Variants in NME7 observed in about 807,000 individuals in gnomAD.
NME7 encodes NME/NM23 family member 7.
NME7 carries 41 observed loss-of-function variants against 49.1 expected under a neutral mutation model. The observed-to-expected ratio is 0.83, with a 90% CI of 0.65 to 1.08. NME7 has a LOEUF of 1.08. Ranked by LOEUF, NME7 falls within the 50% of genes least tolerant of loss-of-function variation. The pLI is 0.00. For synonymous variants in NME7, 139 were observed against 150.6 expected (o/e 0.92, Z 0.56); for missense variants, 423 against 463.4 (o/e 0.91, Z 0.80).
intron 11 of NME7, among the ~76,000 whole-genome samples, chr1:169,165,445 C>T (rs888137519): frequency 6.6e-6 from 1 of 152,104 alleles, no homozygotes; most frequent in Non-Finnish European, 1.5e-5. Flanking sequence ...AGCATGTTCC[C>T]CTCTTTCTCT....
chr1:169,342,320 C>T (rs1214888940), intron 1 of NME7, among the ~76,000 whole-genome samples: 1 of 151,856 alleles, frequency 6.6e-6, no homozygotes, highest in Non-Finnish European at 1.5e-5. Context: ...ATGCCTGCTT[C>T]CCCTTTGCCT....
chr1:169,358,587 A>G (rs1653540709), intron 1 of NME7, among the ~76,000 whole-genome samples: 1 of 152,130 alleles, frequency 6.6e-6, no homozygotes, highest in Admixed American at 6.5e-5. Context: ...GAATTTTAAC[A>G]ATTTATAATA....
chr1:169,258,441 TC>T lies in NME7; in HGVS notation c.755-20755del, dbSNP rs1278780935. On this transcript the variant is annotated intron_variant, in intron 7 of 11. Coordinates refer to ENST00000367811, the MANE Select transcript of NME7 (RefSeq NM_013330.5). Reference sequence around the variant, plus strand: ...ACACACACATACACACACACATATATCTTCTCATTCTCAAAGTTAGCCTTTG... The same window carrying T: ...ACACACACATACACACACACATATATTTCTCATTCTCAAAGTTAGCCTTTG... Among the ~76,000 whole-genome samples, 336 of 116,072 alleles carry T rather than the reference TC, an allele frequency of 2.9e-3. 20 individuals are homozygous for T. Among genetic ancestry groups the T allele is most frequent in the African/African-American group, 0.011 (327 of 30,814 alleles). 76.1% of individuals were successfully genotyped at this position (116,072 alleles called of 152,430 possible). A position where few individuals can be genotyped will look rare whatever the true frequency, so the allele number is the denominator to read the frequency against.
At chr1:169,337,149 G>A (rs986691396) in intron 1 of NME7, among the ~76,000 whole-genome samples, 9 of 152,180 alleles carry the variant, frequency 5.9e-5, no homozygotes, top group South Asian at 2.1e-4. Flanking sequence ...GGGGAGGCTC[G>A]GGCTGCACAG....
At chr1:169,218,485 CTGAGATGGGAGGATTGCT>C (rs1430779824) in intron 10 of NME7, among the ~76,000 whole-genome samples, 2 of 152,040 alleles carry the variant, frequency 1.3e-5, no homozygotes, top group Non-Finnish European at 2.9e-5. Flanking sequence ...ACTCGGGATG[CTGAGATGGGAGGATTGCT>C]TGAGATGGGG....
chr1:169,181,400 C>CAT (rs1466562580), intron 10 of NME7, among the ~76,000 whole-genome samples: 5 of 141,956 alleles, frequency 3.5e-5, no homozygotes, highest in African/African-American at 1.1e-4. Flanking sequence ...CACACACACA[C>CAT]ATATATACAC....
At chr1:169,311,416 C>CAACA (rs1651385793) in intron 3 of NME7, among the ~76,000 whole-genome samples, 1 of 83,648 alleles carries the variant, frequency 1.2e-5, no homozygotes, top group Admixed American at 1.4e-4. Flanking sequence ...GACTCCATCT[C>CAACA]AAAAAAAAAA....
In NME7 at chr1:169,259,160, A is replaced by C. The variant is rs977405695; in HGVS notation, c.755-21473T>G. Among the ~76,000 whole-genome samples, 5 of 133,552 alleles carry C rather than the reference A, an allele frequency of 3.7e-5. 1 individual carries two copies. The highest frequency in any genetic ancestry group is 2.2e-4 in the Admixed American group (3 of 13,586). 87.6% of individuals were successfully genotyped at this position (133,552 alleles called of 152,430 possible). A position where few individuals can be genotyped will look rare whatever the true frequency, so the allele number is the denominator to read the frequency against. ...AATATATAACAGATATGCTCAGATT[A>C]AATAATTTTAAAGTGAACATCTACA... On this transcript the variant is annotated intron_variant, in intron 7 of 11. Coordinates refer to ENST00000367811, the MANE Select transcript of NME7 (RefSeq NM_013330.5).
intron 10 of NME7, among the ~76,000 whole-genome samples, chr1:169,176,482 A>AT (rs1659753202): frequency 6.6e-6 from 1 of 152,146 alleles, no homozygotes; most frequent in African/African-American, 2.4e-5. Context: ...TTTTCATTAG[A>AT]TAAAAAATAG....
At chr1:169,190,724 T>TA (rs1557980735) in intron 10 of NME7, 1 of 411,448 alleles carries the variant, frequency 2.4e-6, no homozygotes, top group Non-Finnish European at 4.8e-6. Flanking sequence ...AGAGGCAATA[T>TA]AAAAAAAGTG....
chr1:169,310,084 T>A lies in NME7; in HGVS notation c.279-4A>T, dbSNP rs763849971. 2.6e-6 allele frequency: 4 copies of A among 1,541,106 alleles called. No homozygotes were observed. The African/African-American group carries it at 4.2e-5, about 16-fold the overall frequency. On this transcript the variant is annotated splice_polypyrimidine_tract_variant and splice_region_variant and intron_variant, in intron 3 of 11. Transcript: ENST00000367811. ...TGGTTTAATTAGGGCTAGCGTTCTATAAGGAAACAAAAAATAAGTTTGCAA... is the reference window on the plus strand; with the variant it reads ...TGGTTTAATTAGGGCTAGCGTTCTAAAAGGAAACAAAAAATAAGTTTGCAA...
chr1:169,153,313 T>C (rs541582351), intron 11 of NME7, among the ~76,000 whole-genome samples: 2 of 152,350 alleles, frequency 1.3e-5, no homozygotes, highest in Non-Finnish European at 2.9e-5. Context: ...ATGTTCATTA[T>C]TGCCATCAGA....
intron 10 of NME7, among the ~76,000 whole-genome samples, chr1:169,210,016 T>C (rs537760539): frequency 7.9e-5 from 12 of 152,282 alleles, no homozygotes; most frequent in Admixed American, 3.3e-4. Flanking sequence ...ATGTAATCAT[T>C]TGTTTAATAA....
chr1:169,298,898 T>C (rs746828077), intron 5 of NME7, 135 bp from the exon 6 acceptor site: 1 of 805,034 alleles, frequency 1.2e-6, no homozygotes, highest in Non-Finnish European at 1.9e-6. Flanking sequence ...TTAAGCATAG[T>C]TAATTTTACA....
At chr1:169,315,457 G>C (rs1421887297) in intron 3 of NME7, among the ~76,000 whole-genome samples, 1 of 151,780 alleles carries the variant, frequency 6.6e-6, no homozygotes, top group Non-Finnish European at 1.5e-5. Flanking sequence ...GTAGAGACAA[G>C]GTTTCACCAC....
intron 11 of NME7, among the ~76,000 whole-genome samples, chr1:169,166,783 C>T (rs1659424659): frequency 6.6e-6 from 1 of 151,978 alleles, no homozygotes; most frequent in African/African-American, 2.4e-5. Context: ...ACAGCCTGGC[C>T]AACATGGTGA....
chr1:169,184,896 GA>G (rs1230863475), intron 10 of NME7, among the ~76,000 whole-genome samples: 1 of 152,148 alleles, frequency 6.6e-6, no homozygotes, highest in Non-Finnish European at 1.5e-5. Flanking sequence ...GCAGAGCATA[GA>G]ATTGGAAAGT....
rs2101912163 is a variant in NME7 at position 169,303,162 on chromosome 1, C to T, written c.423G>A (p.Gln141=). ...GGACCTACTTGAAAAAGGGTCTTGA[C>T]TGGTGATCTACATGAAAATCCAATG... The part of the protein sequence containing the change: ...KEALDFHVDH[Q]SRPFFNELIQ... Residue 141 remains glutamine (Q), a synonymous_variant, in exon 5 of 12, where the codon CAG becomes CAA. Transcript: ENST00000367811. The T allele has an allele frequency of 6.4e-7, 1 of 1,570,312 alleles. No homozygotes were observed. Among genetic ancestry groups the T allele is most frequent in the Non-Finnish European group, 8.7e-7 (1 of 1,153,324 alleles).
chr1:169,239,530 AC>A (rs2101831033), intron 7 of NME7, among the ~76,000 whole-genome samples: 1 of 152,150 alleles, frequency 6.6e-6, no homozygotes, highest in East Asian at 1.9e-4. Flanking sequence ...GGACATAGAA[AC>A]CCAAAACATA....
Sources: gnomAD v4.1 joint callset for allele counts (sites outside exome capture counted in the v4.1 genomes callset) on GRCh38, gnomAD v4.1.1 for gene constraint, MANE v1.5 for transcripts, NCBI Gene and HGNC (gene_info 2026-07-23, HGNC 2026-07-21) for gene names.